GRM5: variants seen among roughly 807,000 people sequenced by gnomAD.
GRM5 encodes metabotropic glutamate receptor 5.
Under a neutral mutation model 83.1 loss-of-function variants are expected in GRM5, and 19 were observed. The ratio of observed to expected loss-of-function variants is 0.23; its 90% CI spans 0.16 to 0.34. The LOEUF is 0.34. GRM5 is among the 10% of genes least tolerant of loss of function. GRM5 has a pLI of 1.00. For missense variants in GRM5, 1,160 were observed against 1,588.3 expected, an observed-to-expected ratio of 0.73 and a Z score of 4.58; for synonymous variants, 675 against 633.6, an observed-to-expected ratio of 1.07 and a Z score of -0.98.
intron 4 of GRM5, among the ~76,000 whole-genome samples, chr11:88,618,252 A>G (rs1358354388): frequency 1.3e-5 from 2 of 152,184 alleles, no homozygotes; most frequent in African/African-American, 4.8e-5. Context: ...AGCACCCAAG[A>G]TTGCATAACA....
chr11:88,583,893 C>A (rs1211940260), intron 7 of GRM5, among the ~76,000 whole-genome samples: 1 of 152,072 alleles, frequency 6.6e-6, no homozygotes, highest in Non-Finnish European at 1.5e-5. Context: ...GAACTAATTA[C>A]CTTGTTCTAT....
At position 88,977,392 on chromosome 11, in the gene GRM5, T is replaced by C. The variant is rs1470210719; in HGVS notation, c.661+69820A>G. Among the ~76,000 whole-genome samples, 4 of 152,034 alleles carry C rather than the reference T, an allele frequency of 2.6e-5. No homozygotes were observed. The South Asian group carries it at 6.2e-4, about 24-fold the overall frequency. On this transcript the variant is annotated intron_variant, in intron 2 of 9. Coordinates refer to ENST00000305447, the MANE Select transcript of GRM5 (RefSeq NM_001143831.3). ...CACACCCAGCTAATTTTTGTATTTT[T>C]AGTAGAGACGGGGTTTCACAGTGCT...
intron 3 of GRM5, among the ~76,000 whole-genome samples, chr11:88,802,983 A>G (rs1418749501): frequency 2.1e-5 from 3 of 142,248 alleles, no homozygotes; most frequent in Admixed American, 6.9e-5. Context: ...TACAAGGGAC[A>G]TGAAGGAACT....
intron 3 of GRM5, among the ~76,000 whole-genome samples, chr11:88,801,890 G>A (rs944272497): frequency 2.0e-5 from 3 of 152,126 alleles, no homozygotes; most frequent in African/African-American, 7.2e-5. Flanking sequence ...AGGAGCCAGA[G>A]AATTTAGTAT....
chr11:88,790,436 C>T (rs1419836396), intron 3 of GRM5, among the ~76,000 whole-genome samples: 1 of 152,114 alleles, frequency 6.6e-6, no homozygotes, highest in Non-Finnish European at 1.5e-5. Flanking sequence ...TTTAAAGATA[C>T]TCCATAACAG....
intron 4 of GRM5, among the ~76,000 whole-genome samples, chr11:88,627,685 C>A (rs10501674): frequency 0.023 from 3,562 of 152,062 alleles, 126 homozygotes; most frequent in African/African-American, 0.08. Flanking sequence ...TTTAAGTCAC[C>A]CTTGTCTTCT....
chr11:88,832,940 A>T (rs555464), intron 3 of GRM5, among the ~76,000 whole-genome samples: 66,655 of 151,840 alleles, frequency 0.44, 17,419 homozygotes, highest in African/African-American at 0.71. Flanking sequence ...AGGACCCCTA[A>T]CTCTCATGAT....
intron 3 of GRM5, among the ~76,000 whole-genome samples, chr11:88,803,732 A>C (rs1430144543): frequency 6.6e-6 from 1 of 152,084 alleles, no homozygotes; most frequent in Non-Finnish European, 1.5e-5. Flanking sequence ...AGAAACTACC[A>C]TCAGAGTGAA....
chr11:88,808,341 G>T (rs1296891995), intron 3 of GRM5, among the ~76,000 whole-genome samples: 2 of 151,894 alleles, frequency 1.3e-5, no homozygotes, highest in African/African-American at 4.8e-5. Context: ...TTTAGTTGCA[G>T]CATGCAGGGT....
intron 3 of GRM5, among the ~76,000 whole-genome samples, chr11:88,797,441 A>C (rs1451754361): frequency 6.6e-6 from 1 of 152,192 alleles, no homozygotes; most frequent in Non-Finnish European, 1.5e-5. Flanking sequence ...TGCCCAGCCC[A>C]AGATTGGGTT....
intron 3 of GRM5, among the ~76,000 whole-genome samples, chr11:88,748,238 C>A (rs572775544): frequency 6.6e-6 from 1 of 152,258 alleles, no homozygotes; most frequent in South Asian, 2.1e-4. Flanking sequence ...CAGGCACACA[C>A]AGAGACTGGG....
chr11:88,898,238 T>C (rs1486488645), intron 2 of GRM5, among the ~76,000 whole-genome samples: 2 of 151,874 alleles, frequency 1.3e-5, no homozygotes, highest in African/African-American at 4.8e-5. Context: ...CCAGTTATAT[T>C]GAATAAGGGC....
intron 4 of GRM5, among the ~76,000 whole-genome samples, chr11:88,646,299 ACTT>A (rs972659586): frequency 2.6e-5 from 4 of 152,072 alleles, no homozygotes; most frequent in African/African-American, 4.8e-5. Flanking sequence ...TACTCTTAAT[ACTT>A]CTTATTACTT....
intron 2 of GRM5, among the ~76,000 whole-genome samples, chr11:88,993,624 A>G (rs1940069611): frequency 6.6e-6 from 1 of 152,204 alleles, no homozygotes; most frequent in Admixed American, 6.5e-5. Context: ...AAGGTAATGT[A>G]ATATTATATA....
At chr11:88,738,084 T>G (rs1175864754) in intron 3 of GRM5, among the ~76,000 whole-genome samples, 1 of 152,074 alleles carries the variant, frequency 6.6e-6, no homozygotes, top group Non-Finnish European at 1.5e-5. Context: ...CAAGACAGTT[T>G]GAGTCTGGCT....
chr11:88,642,135 C>T (rs910170813), intron 4 of GRM5, among the ~76,000 whole-genome samples: 1 of 152,188 alleles, frequency 6.6e-6, no homozygotes, highest in African/African-American at 2.4e-5. Context: ...CTCTTGCAGT[C>T]TGCATGCCCA....
intron 8 of GRM5, among the ~76,000 whole-genome samples, chr11:88,539,646 C>T (rs1942217413): frequency 6.6e-6 from 1 of 152,156 alleles, no homozygotes; most frequent in Non-Finnish European, 1.5e-5. Context: ...TCATACGAGA[C>T]ATAACCAATA....
chr11:88,723,726 T>C (rs1028347629), intron 3 of GRM5, among the ~76,000 whole-genome samples: 2 of 152,078 alleles, frequency 1.3e-5, no homozygotes, highest in Non-Finnish European at 2.9e-5. Flanking sequence ...ACTCACTCCA[T>C]CACTCTTCAT....
chr11:89,034,939 C>T (rs1368824626), intron 2 of GRM5, among the ~76,000 whole-genome samples: 2 of 148,378 alleles, frequency 1.3e-5, no homozygotes, highest in South Asian at 2.1e-4. Context: ...ATATTGCAAG[C>T]TTGATTTTTA....
Sources: allele counts gnomAD v4.1 joint callset (sites outside exome capture counted in the v4.1 genomes callset), GRCh38; gene constraint gnomAD v4.1.1; transcripts MANE v1.5; gene names NCBI Gene and HGNC (gene_info 2026-07-23, HGNC 2026-07-21).